The following APBB2 variants were observed in gnomAD, a reference collection of about 807,000 sequenced individuals.
APBB2 encodes amyloid beta precursor protein binding family B member 2.
In APBB2, 38 loss-of-function variants were observed where a neutral mutation model predicts 82.5. That is an observed-to-expected ratio of 0.46 (90% CI 0.36 to 0.60). APBB2 has a LOEUF of 0.60. Among genes scored for constraint, APBB2 ranks in the 20% least tolerant of loss-of-function variants. The probability of loss-of-function intolerance (pLI) is 0.00; values close to 1 mark genes in which losing one functional copy is unlikely to be tolerated. For synonymous variants in APBB2, 341 were observed against 368.2 expected (o/e 0.93, Z 0.85); for missense variants, 772 against 972.3 (o/e 0.79, Z 2.74).
At position 40,825,906 on chromosome 4, in the gene APBB2, T is replaced by C. The variant is rs369352141; in HGVS notation, c.1797A>G (p.Leu599=). The C allele has an allele frequency of 6.2e-7, 1 of 1,613,962 alleles. No individual in the cohort carries two copies. The highest frequency in any genetic ancestry group is 8.5e-7 in the Non-Finnish European group (1 of 1,179,952). The change falls in exon 15 of 18, where the codon TTA becomes TTG. Residue 599 remains leucine, a synonymous_variant. Transcript: ENST00000508593. ...QKFHVQYLGM[L]PVDKPVGMDI... ...ACATACCGACTGGTTTGTCTACAGG[T>C]AACATGCCCAAGTACTGCACGTGGA...
At chr4:40,975,856 T>C (rs1797063118) in intron 6 of APBB2, among the ~76,000 whole-genome samples, 1 of 151,832 alleles carries the variant, frequency 6.6e-6, no homozygotes, top group African/African-American at 2.4e-5. Context: ...AATTCTCTAC[T>C]GATTTCTTAT....
chr4:40,904,982 G>T lies in APBB2; in HGVS notation c.1255-11571C>A, dbSNP rs2154359137. On this transcript the variant is annotated intron_variant, in intron 10 of 17. Transcript: ENST00000508593. ...TAGAAAACACGATGCATGGCCCTTT[G>T]AAGCCCTGGGCCCACTACTGCCATT... 1.3e-5 allele frequency among the ~76,000 whole-genome samples: 2 copies of T among 152,182 alleles called. 1 individual carries two copies. Among genetic ancestry groups the T allele is most frequent in the Middle Eastern group, 6.8e-3 (2 of 294 alleles).
chr4:40,990,628 TG>T (rs1039295871), intron 6 of APBB2, among the ~76,000 whole-genome samples: 3 of 152,174 alleles, frequency 2.0e-5, no homozygotes, highest in African/African-American at 7.2e-5. Flanking sequence ...GGCAAGCTCA[TG>T]GGGGAAATGC....
chr4:40,945,088 G>T lies in APBB2; in HGVS notation c.836-15C>A. On this transcript the variant is annotated splice_polypyrimidine_tract_variant and intron_variant, in intron 6 of 17. Coordinates refer to ENST00000508593, the MANE Select transcript of APBB2 (RefSeq NM_004307.2). ...CCATATATCTGCTGAAAAATTGGGG[G>T]GCGGGGCGGGGGGAGAAAGAGAGAA... 1 of 1,110,162 alleles carries T rather than the reference G, an allele frequency of 9.0e-7. No homozygotes were observed. Among genetic ancestry groups the T allele is most frequent in the Non-Finnish European group, 1.3e-6 (1 of 772,576 alleles). 68.8% of individuals were successfully genotyped at this position (1,110,162 alleles called of 1,614,324 possible).
intron 6 of APBB2, among the ~76,000 whole-genome samples, chr4:40,964,427 C>T (rs767736102): frequency 8.1e-5 from 12 of 147,482 alleles, no homozygotes; most frequent in African/African-American, 1.3e-4. Context: ...TATATCCATA[C>T]ATTCATCAAT....
intron 6 of APBB2, among the ~76,000 whole-genome samples, chr4:40,984,489 G>A (rs1033006806): frequency 2.0e-4 from 30 of 152,148 alleles, no homozygotes; most frequent in African/African-American, 7.2e-4. Flanking sequence ...AGAAAGGAAG[G>A]GTGGGGGGTC....
At chr4:40,824,437 A>C (rs1486108993) in intron 15 of APBB2, among the ~76,000 whole-genome samples, 2 of 152,190 alleles carry the variant, frequency 1.3e-5, no homozygotes, top group Admixed American at 1.3e-4. Flanking sequence ...TCACTCACGT[A>C]AAGTGTGCAA....
intron 2 of APBB2, among the ~76,000 whole-genome samples, chr4:41,135,323 C>A (rs1413076728): frequency 1.3e-5 from 2 of 152,216 alleles, no homozygotes; most frequent in Admixed American, 1.3e-4. Context: ...TAACAAACTG[C>A]ACCGAAAGAT....
At chr4:41,051,659 A>G (rs1171089656) in intron 4 of APBB2, among the ~76,000 whole-genome samples, 1 of 152,134 alleles carries the variant, frequency 6.6e-6, no homozygotes, top group African/African-American at 2.4e-5. Flanking sequence ...CCAGGCTCTT[A>G]TTAACCGTCC....
intron 12 of APBB2, chr4:40,857,254 C>T (rs1366171891): frequency 1.2e-6 from 1 of 864,666 alleles, no homozygotes; most frequent in Non-Finnish European, 1.4e-6. Context: ...CCCCACCCGG[C>T]CGCACTCCCG....
chr4:40,965,069 G>A (rs2154395503), intron 6 of APBB2, among the ~76,000 whole-genome samples: 1 of 151,032 alleles, frequency 6.6e-6, no homozygotes, highest in East Asian at 1.9e-4. Flanking sequence ...GCAGTGAGAT[G>A]ATATCACTCC....
chr4:40,822,314 CTG>C (rs1748277086), intron 16 of APBB2: 1 of 402,150 alleles, frequency 2.5e-6, no homozygotes, highest in Non-Finnish European at 4.5e-6. Flanking sequence ...TGCTACGTGG[CTG>C]TGAGTTCACT....
At chr4:40,895,254 C>T (rs1021845458) in intron 10 of APBB2, among the ~76,000 whole-genome samples, 5 of 152,232 alleles carry the variant, frequency 3.3e-5, no homozygotes, top group Non-Finnish European at 5.9e-5. Context: ...ATCCTCACGT[C>T]CCAGAGGAGA....
chr4:41,163,437 C>T (rs994849977), intron 1 of APBB2, among the ~76,000 whole-genome samples: 3 of 152,150 alleles, frequency 2.0e-5, no homozygotes, highest in African/African-American at 7.2e-5. Flanking sequence ...AAGGAAGTGA[C>T]ATGGTTTATC....
chr4:41,079,973 G>C (rs946691901), intron 3 of APBB2, among the ~76,000 whole-genome samples: 2 of 152,234 alleles, frequency 1.3e-5, no homozygotes, highest in Admixed American at 6.5e-5. Context: ...AGCTGCCACT[G>C]TTTGCGTGTG....
At chr4:40,953,032 C>T (rs754529776) in intron 6 of APBB2, among the ~76,000 whole-genome samples, 10 of 152,174 alleles carry the variant, frequency 6.6e-5, no homozygotes, top group Non-Finnish European at 1.2e-4. Flanking sequence ...CAGTGGTTCA[C>T]GCCTGTAATT....
chr4:41,080,678 A>G (rs1579852534), intron 3 of APBB2, among the ~76,000 whole-genome samples: 1 of 148,772 alleles, frequency 6.7e-6, no homozygotes, highest in South Asian at 2.1e-4. Context: ...ATTTAATTTC[A>G]GTTGGTGATG....
chr4:41,152,879 AC>A (rs202238630), intron 1 of APBB2, among the ~76,000 whole-genome samples: 26 of 152,252 alleles, frequency 1.7e-4, no homozygotes, highest in African/African-American at 6.0e-4. Context: ...CTTGCCACTG[AC>A]CCAAGACTTA....
chr4:41,001,822 G>A (rs1484055593), intron 6 of APBB2, among the ~76,000 whole-genome samples: 2 of 151,398 alleles, frequency 1.3e-5, no homozygotes, highest in East Asian at 3.9e-4. Context: ...AGCTTGCAGT[G>A]AGCCGAAATC....
Sources: allele counts gnomAD v4.1 joint callset (sites outside exome capture counted in the v4.1 genomes callset), GRCh38; gene constraint gnomAD v4.1.1; transcripts MANE v1.5; gene names NCBI Gene and HGNC (gene_info 2026-07-23, HGNC 2026-07-21).